The following LDLRAD4 variants were observed in gnomAD, a reference collection of about 807,000 sequenced individuals.
The protein encoded by LDLRAD4 is low density lipoprotein receptor class A domain containing 4.
LDLRAD4 carries 5 observed loss-of-function variants against 17.0 expected under a neutral mutation model. The observed-to-expected ratio is 0.29, with a 90% CI of 0.15 to 0.62. The LOEUF is 0.62. Ranked by LOEUF, LDLRAD4 falls within the 20% of genes least tolerant of loss-of-function variation. The pLI is 0.84. For synonymous variants in LDLRAD4, 168 were observed against 171.8 expected, an observed-to-expected ratio of 0.98 and a Z score of 0.17; for missense variants, 340 against 424.7, an observed-to-expected ratio of 0.80 and a Z score of 1.75.
chr18:13,421,372 AC>A (rs1403850283), intron 2 of LDLRAD4, among the ~76,000 whole-genome samples: 1 of 152,072 alleles, frequency 6.6e-6, no homozygotes, highest in African/African-American at 2.4e-5. Context: ...TCAGGCCATC[AC>A]CCGCTCACTG....
chr18:13,524,125 C>T (rs759867113), intron 3 of LDLRAD4, among the ~76,000 whole-genome samples: 11 of 152,190 alleles, frequency 7.2e-5, no homozygotes, highest in South Asian at 2.1e-4. Context: ...TCGGGACCCC[C>T]GACTTCCCTT....
chr18:13,266,669 C>A (rs1290848561), intron 1 of LDLRAD4, among the ~76,000 whole-genome samples: 1 of 152,268 alleles, frequency 6.6e-6, no homozygotes, highest in African/African-American at 2.4e-5. Context: ...CGCTGCCTGG[C>A]GATGGCTTCT....
chr18:13,295,801 T>C (rs2046240299), intron 1 of LDLRAD4, among the ~76,000 whole-genome samples: 1 of 152,260 alleles, frequency 6.6e-6, no homozygotes, highest in Admixed American at 6.5e-5. Context: ...AACCATCATG[T>C]ATATATTTTG....
intron 1 of LDLRAD4, among the ~76,000 whole-genome samples, chr18:13,249,037 C>T (rs1340363865): frequency 1.3e-5 from 2 of 152,176 alleles, no homozygotes; most frequent in African/African-American, 2.4e-5. Context: ...TTTCACCTAA[C>T]ATAATGCCCT....
At chr18:13,592,909 T>G (rs2095046408) in intron 3 of LDLRAD4, among the ~76,000 whole-genome samples, 1 of 152,264 alleles carries the variant, frequency 6.6e-6, no homozygotes, top group Admixed American at 6.5e-5. Context: ...TAGTATCTGA[T>G]TCTCACTTTT....
chr18:13,601,870 T>C (rs1464579152), intron 3 of LDLRAD4, among the ~76,000 whole-genome samples: 1 of 152,308 alleles, frequency 6.6e-6, no homozygotes, highest in East Asian at 1.9e-4. Context: ...TGTATATTTA[T>C]TGTAGCACTT....
intron 3 of LDLRAD4, among the ~76,000 whole-genome samples, chr18:13,602,183 A>G (rs1476888204): frequency 6.6e-6 from 1 of 152,198 alleles, no homozygotes; most frequent in African/African-American, 2.4e-5. Flanking sequence ...GAGGTGGGAA[A>G]GGGCTGAAAA....
intron 4 of LDLRAD4, among the ~76,000 whole-genome samples, chr18:13,638,863 A>G (rs1785122): frequency 0.18 from 27,982 of 152,106 alleles, 3,590 homozygotes; most frequent in East Asian, 0.55. Context: ...CAGCACCAGT[A>G]TCTGTTGGAC....
In LDLRAD4 at chr18:13,645,206, C is replaced by G; in HGVS notation, c.470C>G (p.Pro157Arg). ...AGGGATCGCTTCAGCCGCTTCCAGC[C>G]CACCTACCCCTATGTGCAGCACGAG... Residue 157 changes from proline (P) to arginine (R), a missense_variant, in exon 6 of 6, where the codon CCC (proline) becomes CGC (arginine). Pro to Arg is a moderately radical substitution (Grantham distance 103, BLOSUM62 -2). Coordinates refer to ENST00000359446, the Ensembl canonical transcript of LDLRAD4. The surrounding 1 kb of genome is among the most constrained non-coding windows in gnomAD (Gnocchi z 5.7). The G allele has an allele frequency of 1.2e-6, 2 of 1,614,116 alleles. No individual in the cohort carries two copies. Among genetic ancestry groups the G allele is most frequent in the Non-Finnish European group, 1.7e-6 (2 of 1,179,996 alleles).
chr18:13,598,264 C>T (rs1223240939), intron 3 of LDLRAD4, among the ~76,000 whole-genome samples: 1 of 152,238 alleles, frequency 6.6e-6, no homozygotes, highest in African/African-American at 2.4e-5. Context: ...TCTGATGTCA[C>T]TCCTCAGAGG....
intron 3 of LDLRAD4, among the ~76,000 whole-genome samples, chr18:13,504,422 A>T (rs1465442366): frequency 6.6e-6 from 1 of 152,008 alleles, no homozygotes; most frequent in Non-Finnish European, 1.5e-5. Context: ...CTATATTTTT[A>T]TTTTTATTTT....
chr18:13,497,259 C>T (rs1461002500), intron 3 of LDLRAD4, among the ~76,000 whole-genome samples: 3 of 152,196 alleles, frequency 2.0e-5, no homozygotes. Context: ...TCCCTGCAGT[C>T]TTGACTTCCT....
intron 1 of LDLRAD4, among the ~76,000 whole-genome samples, chr18:13,291,201 G>T (rs1481835407): frequency 6.6e-6 from 1 of 152,092 alleles, no homozygotes; most frequent in African/African-American, 2.4e-5. Context: ...GTTTGCTGAC[G>T]TCTTTACACC....
chr18:13,270,593 CA>C (rs2044477809), intron 1 of LDLRAD4, among the ~76,000 whole-genome samples: 1 of 152,134 alleles, frequency 6.6e-6, no homozygotes, highest in Non-Finnish European at 1.5e-5. Context: ...ACTTTATTTG[CA>C]AAGTTTATGC....
intron 1 of LDLRAD4, among the ~76,000 whole-genome samples, chr18:13,243,035 G>T (rs59835474): frequency 0.39 from 58,773 of 152,218 alleles, 13,418 homozygotes; most frequent in Middle Eastern, 0.54. Context: ...CCACATCTCA[G>T]TTCTGCAGCA....
At position 13,609,014 on chromosome 18, in the gene LDLRAD4, C is replaced by T. The variant is rs564588047; in HGVS notation, c.182-12103C>T. ...CAGATGCCTCCTAAGCTCTGAGATG[C>T]GTTGGTGACTGCACAAAACTCATAT... On this transcript the variant is annotated intron_variant, in intron 3 of 5. Coordinates refer to ENST00000359446, the Ensembl canonical transcript of LDLRAD4. 2.8e-4 allele frequency among the ~76,000 whole-genome samples: 26 copies of T among 93,874 alleles called. 1 individual carries two copies. The South Asian group carries it at 8.4e-3, about 30-fold the overall frequency. 61.6% of individuals were successfully genotyped at this position (93,874 alleles called of 152,430 possible). A position where few individuals can be genotyped will look rare whatever the true frequency, so the allele number is the denominator to read the frequency against.
chr18:13,552,296 G>A (rs1034069860), intron 3 of LDLRAD4, among the ~76,000 whole-genome samples: 8 of 152,184 alleles, frequency 5.3e-5, no homozygotes, highest in African/African-American at 1.4e-4. Context: ...TACTTGCTGG[G>A]GCAGTGCAGA....
intron 1 of LDLRAD4, among the ~76,000 whole-genome samples, chr18:13,352,741 A>C (rs1360063563): frequency 2.0e-5 from 3 of 151,888 alleles, no homozygotes; most frequent in Non-Finnish European, 4.4e-5. Flanking sequence ...TGTGCCCCAT[A>C]AGCCTCTTAG....
chr18:13,329,971 T>C (rs1224433198), intron 1 of LDLRAD4, among the ~76,000 whole-genome samples: 1 of 137,038 alleles, frequency 7.3e-6, no homozygotes, highest in African/African-American at 2.6e-5. Context: ...ATTTTTTTTT[T>C]TTTTGAGACA....
Sources: gnomAD v4.1 joint callset for allele counts (sites outside exome capture counted in the v4.1 genomes callset) on GRCh38, gnomAD v4.1.1 for gene constraint, Gnocchi (gnomAD v3.1) non-coding constraint, MANE v1.5 for transcripts, NCBI Gene and HGNC (gene_info 2026-07-23, HGNC 2026-07-21) for gene names.